GPC3: variants seen among roughly 807,000 people sequenced by gnomAD.
The protein encoded by GPC3 is glypican 3, also known as glypican-3.
In GPC3, 3 loss-of-function variants were observed where a neutral mutation model predicts 34.4. The observed-to-expected ratio is 0.09, with a 90% CI of 0.04 to 0.23. GPC3 has a LOEUF of 0.23. GPC3 is among the 10% of genes least tolerant of loss of function. GPC3 has a pLI of 1.00. For missense variants in GPC3, 351 were observed against 445.6 expected, an observed-to-expected ratio of 0.79 and a Z score of 1.91; for synonymous variants, 177 against 174.0, an observed-to-expected ratio of 1.02 and a Z score of -0.13.
intron 7 of GPC3, among the ~76,000 whole-genome samples, chrX:133,581,103 G>A (rs1257511315): frequency 8.9e-6 from 1 of 112,617 alleles, no homozygotes; most frequent in Non-Finnish European, 1.9e-5. Flanking sequence ...TCACCTGGGT[G>A]CTCCAGTGAA....
chrX:133,641,477 G>GA (rs745818821), intron 6 of GPC3, among the ~76,000 whole-genome samples: 16 of 96,175 alleles, frequency 1.7e-4, no homozygotes, highest in Admixed American at 2.3e-4. Flanking sequence ...CTGTCTCAAA[G>GA]AAAAAAAAAA....
intron 2 of GPC3, among the ~76,000 whole-genome samples, chrX:133,950,782 A>G (rs2076389151): frequency 8.9e-6 from 1 of 111,798 alleles, no homozygotes; most frequent in Non-Finnish European, 1.9e-5. Context: ...AATGTTTGTT[A>G]CAAAAGGATT....
rs974231989 is a variant in GPC3 at position 133,823,378 on chromosome X, T to G, written c.338-69202A>C. 6.3e-5 allele frequency among the ~76,000 whole-genome samples: 7 copies of G among 110,383 alleles called. No homozygotes were observed. In the Admixed American group the frequency reaches 6.8e-4, roughly 11 times the overall value. ...AAAACATTTCCATATAATTGAAAAC[T>G]AAGAGAATTCATAGCCACTGAAATG... On this transcript the variant is annotated intron_variant, in intron 2 of 7. Transcript: ENST00000370818.
In GPC3 at chrX:133,873,293, G is replaced by C. The variant is rs145279771; in HGVS notation, c.337+79757C>G. Among the ~76,000 whole-genome samples the C allele has an allele frequency of 1.1e-3, 128 of 111,899 alleles. 1 individual carries two copies. In the East Asian group the frequency reaches 0.033, roughly 29 times the overall value. On this transcript the variant is annotated intron_variant, in intron 2 of 7. Transcript: ENST00000370818. ...GTGCCAGGCATAAACATTATCCTTC[G>C]GCATTCTTTTGCCAATGAACGATTA...
At chrX:133,741,207 T>G (rs1000685976) in intron 3 of GPC3, among the ~76,000 whole-genome samples, 1 of 108,137 alleles carries the variant, frequency 9.2e-6, no homozygotes, top group African/African-American at 3.4e-5. Flanking sequence ...TGCCAGAGAC[T>G]GAATCTGCCA....
intron 3 of GPC3, among the ~76,000 whole-genome samples, chrX:133,748,185 T>C (rs2071628581): frequency 8.9e-6 from 1 of 112,305 alleles, no homozygotes; most frequent in South Asian, 3.7e-4. Flanking sequence ...GCTATGCATA[T>C]AGTCCACACA....
intron 3 of GPC3, among the ~76,000 whole-genome samples, chrX:133,712,654 C>A (rs1260672091): frequency 9.2e-6 from 1 of 109,103 alleles, no homozygotes; most frequent in Non-Finnish European, 1.9e-5. Context: ...CTGAGGCGGG[C>A]GGATCACTTG....
intron 6 of GPC3, among the ~76,000 whole-genome samples, chrX:133,614,643 A>G (rs2070142442): frequency 8.9e-6 from 1 of 111,987 alleles, no homozygotes; most frequent in Non-Finnish European, 1.9e-5. Flanking sequence ...GACACTAGAC[A>G]GTAACCCACA....
intron 2 of GPC3, among the ~76,000 whole-genome samples, chrX:133,833,309 A>G (rs954846239): frequency 6.3e-5 from 7 of 111,934 alleles, no homozygotes; most frequent in Admixed American, 3.8e-4. Flanking sequence ...TCATGGTTAA[A>G]CAACTCTGGA....
intron 2 of GPC3, among the ~76,000 whole-genome samples, chrX:133,808,348 T>G (rs1419656454): frequency 8.9e-6 from 1 of 112,286 alleles, no homozygotes; most frequent in African/African-American, 3.2e-5. Context: ...CAGTTTGATT[T>G]TTTCAAAGAA....
intron 6 of GPC3, among the ~76,000 whole-genome samples, chrX:133,643,831 G>GTTTTTTTTTTTTTTTTTTT (rs778326133): frequency 1.0e-5 from 1 of 97,016 alleles, no homozygotes; most frequent in African/African-American, 4.0e-5. Context: ...TTGTTTTTAT[G>GTTTTTTTTTTTTTTTTTTT]TTTTTTTTTT....
intron 1 of GPC3, among the ~76,000 whole-genome samples, chrX:133,975,190 C>T (rs2076509843): frequency 8.9e-6 from 1 of 111,799 alleles, no homozygotes; most frequent in Admixed American, 9.5e-5. Context: ...CTCCCTGCCA[C>T]CGCTCACTCT....
chrX:133,689,965 GCTTTTTATAAAGCCAAATACCAA>G (rs1355024172), intron 5 of GPC3, among the ~76,000 whole-genome samples: 29 of 111,623 alleles, frequency 2.6e-4, no homozygotes, highest in Non-Finnish European at 3.6e-4. Context: ...TAAAGCATCA[GCTTTTTATAAAGCCAAATACCAA>G]CTGTTTTTTT....
At chrX:133,624,818 A>G (rs2070280716) in intron 6 of GPC3, among the ~76,000 whole-genome samples, 1 of 111,162 alleles carries the variant, frequency 9.0e-6, no homozygotes, top group Non-Finnish European at 1.9e-5. Context: ...TTATGAGGCC[A>G]GTAGTCTCCT....
At chrX:133,849,168 T>C (rs1313778476) in intron 2 of GPC3, among the ~76,000 whole-genome samples, 9 of 99,924 alleles carry the variant, frequency 9.0e-5, no homozygotes, top group African/African-American at 2.7e-4. Flanking sequence ...TACCTCGGCT[T>C]ACTGCAAGCT....
chrX:133,569,174 T>C (rs942034509), intron 7 of GPC3, among the ~76,000 whole-genome samples: 1 of 110,458 alleles, frequency 9.1e-6, no homozygotes, highest in Non-Finnish European at 1.9e-5. Flanking sequence ...TCTCACAAAA[T>C]AAAAAGATTA....
At chrX:133,911,412 T>C (rs2076198974) in intron 2 of GPC3, among the ~76,000 whole-genome samples, 1 of 111,915 alleles carries the variant, frequency 8.9e-6, no homozygotes, top group Admixed American at 9.5e-5. Flanking sequence ...TTATCTTCCT[T>C]TCATGACAGT....
intron 5 of GPC3, among the ~76,000 whole-genome samples, chrX:133,683,172 A>C: frequency 9.0e-6 from 1 of 111,206 alleles, no homozygotes; most frequent in Middle Eastern, 4.6e-3. Context: ...TTTTTCCAAA[A>C]AGGAGGTAGA....
chrX:133,671,071 C>CTTAG (rs2070822258), intron 5 of GPC3: 1 of 591,498 alleles, frequency 1.7e-6, no homozygotes, highest in Admixed American at 2.2e-5. Context: ...AGGAAGGCAA[C>CTTAG]AGTGCCTAAG....
Sources: allele counts gnomAD v4.1 joint callset (sites outside exome capture counted in the v4.1 genomes callset), GRCh38; gene constraint gnomAD v4.1.1; transcripts MANE v1.5; gene names NCBI Gene and HGNC (gene_info 2026-07-23, HGNC 2026-07-21).